TAPT1: variants seen among roughly 807,000 people sequenced by gnomAD.
TAPT1 encodes the protein transmembrane anterior posterior transformation protein 1 homolog.
Under a neutral mutation model 65.6 loss-of-function variants are expected in TAPT1, and 28 were observed. The observed-to-expected ratio is 0.43, with a 90% confidence interval of 0.32 to 0.59. TAPT1 has a LOEUF of 0.59. Ranked by LOEUF, TAPT1 falls within the 20% of genes least tolerant of loss-of-function variation. The probability of loss-of-function intolerance (pLI) is 0.09; values close to 1 mark genes in which losing one functional copy is unlikely to be tolerated. For missense variants in TAPT1, 563 were observed against 679.9 expected (o/e 0.83, Z 1.91); for synonymous variants, 278 against 245.2 (o/e 1.13, Z -1.25).
intron 12 of TAPT1, 106 bp downstream of exon 12, chr4:16,170,547 C>G: frequency 1.4e-6 from 1 of 724,476 alleles, no homozygotes; most frequent in Non-Finnish European, 2.3e-6. Context: ...AATGGAAACC[C>G]CTGGCATAGA....
At chr4:16,183,037 G>A (rs1047449343) in intron 7 of TAPT1, 3 of 152,220 alleles carry the variant, frequency 2.0e-5, no homozygotes, top group African/African-American at 7.2e-5. Flanking sequence ...TAGCCGATAT[G>A]AGTATCCCTC....
intron 10 of TAPT1, 93 bp downstream of exon 10, chr4:16,174,577 T>C (rs1748207725): frequency 1.4e-5 from 16 of 1,172,814 alleles, no homozygotes; most frequent in Non-Finnish European, 1.9e-5. Flanking sequence ...TAGCTTTCCT[T>C]TAGTTAATAT....
In TAPT1 at chr4:16,160,972, T is replaced by C. The variant is rs1349378331; in HGVS notation, c.*2336A>G. 1.3e-5 allele frequency: 2 copies of C among 152,678 alleles called. No homozygotes were observed. Among genetic ancestry groups the C allele is most frequent in the African/African-American group, 2.4e-5 (1 of 41,460 alleles). The allele number at this position is 152,678 out of a possible 1,614,324, so 9.5% of individuals were successfully genotyped here. ...CCTAATAAGGGTCTGGCCTATCCTG[T>C]GCCTTCATTAGATTTTTTTAAAACC... On this transcript the variant is annotated 3_prime_UTR_variant, in exon 14 of 14. Transcript: ENST00000405303.
At chr4:16,201,050 T>A (rs544460855) in intron 3 of TAPT1, among the ~76,000 whole-genome samples, 25 of 152,340 alleles carry the variant, frequency 1.6e-4, no homozygotes, top group African/African-American at 5.3e-4. Flanking sequence ...AGTTACAGAA[T>A]ATAGCATATA....
chr4:16,222,866 A>G (rs1751334081), intron 1 of TAPT1, among the ~76,000 whole-genome samples: 1 of 152,230 alleles, frequency 6.6e-6, no homozygotes, highest in Non-Finnish European at 1.5e-5. Flanking sequence ...AAGAAGAAAG[A>G]AATGGGTCCA....
chr4:16,166,555 C>G (rs1051919233), intron 13 of TAPT1, 78 bp downstream of exon 13: 1 of 1,536,088 alleles, frequency 6.5e-7, no homozygotes, highest in Non-Finnish European at 8.9e-7. Flanking sequence ...ATCTTTAAAG[C>G]GTTGCTTAAC....
intron 1 of TAPT1, among the ~76,000 whole-genome samples, chr4:16,224,764 T>C (rs956812318): frequency 6.6e-6 from 1 of 152,186 alleles, no homozygotes; most frequent in Admixed American, 6.5e-5. Flanking sequence ...GAAGTCCAGG[T>C]ATCCAGTCCC....
intron 2 of TAPT1, among the ~76,000 whole-genome samples, chr4:16,211,723 G>T (rs1750663197): frequency 6.6e-6 from 1 of 152,052 alleles, no homozygotes; most frequent in South Asian, 2.1e-4. Context: ...AAAGTTTCAT[G>T]AAACAATACT....
chr4:16,218,824 T>A (rs920991440), intron 1 of TAPT1, among the ~76,000 whole-genome samples: 2 of 152,238 alleles, frequency 1.3e-5, no homozygotes, highest in Non-Finnish European at 2.9e-5. Context: ...ATTTCTGCAA[T>A]CCTAGCTCTA....
rs2149659841 is a variant in TAPT1, at chr4:16,162,752, A to C, written c.*556T>G. 5.6e-6 allele frequency: 1 copy of C among 177,090 alleles called. No individual in the cohort carries two copies. The highest frequency in any genetic ancestry group is 1.6e-4 in the East Asian group (1 of 6,444). The allele number at this position is 177,090 out of a possible 1,614,324, so 11.0% of individuals were successfully genotyped here. On this transcript the variant is annotated 3_prime_UTR_variant, in exon 14 of 14. Transcript: ENST00000405303. ...GCTACTATTCATCATGTCTTATTTA[A>C]GGTAGCCTTTTATTCTGATTAATTA...
chr4:16,227,006 G>A (rs1465576998), upstream of TAPT1: 2 of 449,284 alleles, frequency 4.5e-6, no homozygotes, highest in East Asian at 1.4e-4. Context: ...CGGCGGCGGG[G>A]GCCCGGCTCC....
At chr4:16,216,092 T>C (rs1448699475) in intron 1 of TAPT1, 1 of 152,208 alleles carries the variant, frequency 6.6e-6, no homozygotes, top group Non-Finnish European at 1.5e-5. Context: ...ACTCTGAATT[T>C]TGAACCCCAG....
chr4:16,202,876 G>T (rs1750121922), intron 2 of TAPT1, among the ~76,000 whole-genome samples: 1 of 152,122 alleles, frequency 6.6e-6, no homozygotes, highest in African/African-American at 2.4e-5. Flanking sequence ...AGATATTATG[G>T]AAAATCTTTA....
rs112177427 is a variant in TAPT1 at position 16,188,435 on chromosome 4, C to T, written c.613-80G>A. 34 of 1,161,442 alleles carry T rather than the reference C, an allele frequency of 2.9e-5. No homozygotes were observed. In the African/African-American group the frequency reaches 3.0e-4, roughly 10 times the overall value. The allele number at this position is 1,161,442 out of a possible 1,614,324, so 71.9% of individuals were successfully genotyped here. A position where few individuals can be genotyped will look rare whatever the true frequency, so the allele number is the denominator to read the frequency against. On this transcript the variant is annotated intron_variant, in intron 4 of 13. Transcript: ENST00000405303. Reference sequence around the variant, plus strand: ...ACTAAAATTGAGATATAGCTCAAATCCTGGAGATCTGTGTTTTAAATCCTA... The same window carrying T: ...ACTAAAATTGAGATATAGCTCAAATTCTGGAGATCTGTGTTTTAAATCCTA...
intron 1 of TAPT1, among the ~76,000 whole-genome samples, chr4:16,219,169 C>A (rs1475090277): frequency 1.2e-4 from 18 of 152,132 alleles, no homozygotes; most frequent in Admixed American, 1.2e-3. Context: ...CAAGGTCACA[C>A]AGGAAGCAAG....
intron 3 of TAPT1, among the ~76,000 whole-genome samples, chr4:16,194,813 A>T (rs1475420857): frequency 6.6e-6 from 1 of 151,954 alleles, no homozygotes. Flanking sequence ...ATTCATATAA[A>T]GAATACAAGA....
chr4:16,176,925 T>G (rs779513289), intron 8 of TAPT1: 1 of 152,252 alleles, frequency 6.6e-6, no homozygotes, highest in Non-Finnish European at 1.5e-5. Flanking sequence ...GTAGTCTTTG[T>G]AGATGAGCAG....
chr4:16,174,585 T>C (rs1748208191), intron 10 of TAPT1, 85 bp downstream of exon 10: 7 of 1,237,624 alleles, frequency 5.7e-6, no homozygotes, highest in Admixed American at 2.5e-5. Flanking sequence ...CTTTAGTTAA[T>C]ATTTCATGCT....
chr4:16,180,896 T>C (rs1287990578), intron 7 of TAPT1, among the ~76,000 whole-genome samples: 2 of 152,160 alleles, frequency 1.3e-5, no homozygotes, highest in Non-Finnish European at 2.9e-5. Flanking sequence ...GAAGCACTAT[T>C]TATTATGAGT....
Sources: allele counts gnomAD v4.1 joint callset (sites outside exome capture counted in the v4.1 genomes callset), GRCh38; gene constraint gnomAD v4.1.1; transcripts MANE v1.5; gene names NCBI Gene and HGNC (gene_info 2026-07-23, HGNC 2026-07-21).